TRIO: variants seen among roughly 807,000 people sequenced by gnomAD.
TRIO encodes the protein triple functional domain protein.
In TRIO, 58 loss-of-function variants were observed where a neutral mutation model predicts 351.9. The ratio of observed to expected loss-of-function variants is 0.16; its 90% CI spans 0.13 to 0.21. TRIO has a LOEUF of 0.21. Ranked by LOEUF, TRIO falls within the 10% of genes least tolerant of loss-of-function variation. TRIO has a pLI of 1.00. For synonymous variants in TRIO, 1,758 were observed against 1,595.7 expected (o/e 1.10, Z -2.42); for missense variants, 3,201 against 4,027.8 (o/e 0.79, Z 5.56).
At chr5:14,363,701 T>C in intron 13 of TRIO, 31 bp from the exon 14 acceptor site, 1 of 1,600,374 alleles carries the variant, frequency 6.2e-7, no homozygotes, top group Non-Finnish European at 8.5e-7. Flanking sequence ...TGTATATTTT[T>C]TTTGTCTTGA....
chr5:14,212,445 C>G (rs1791965604), intron 1 of TRIO, among the ~76,000 whole-genome samples: 1 of 152,194 alleles, frequency 6.6e-6, no homozygotes, highest in South Asian at 2.1e-4. Flanking sequence ...ACTCTCCCTC[C>G]AGACTCACAT....
intron 33 of TRIO, among the ~76,000 whole-genome samples, chr5:14,412,109 C>T (rs554751129): frequency 6.6e-6 from 1 of 151,900 alleles, no homozygotes; most frequent in Admixed American, 6.6e-5. Context: ...TGCCTCAGCC[C>T]CTCTTGTAGC....
At chr5:14,159,531 G>A (rs1167637083) in intron 1 of TRIO, among the ~76,000 whole-genome samples, 3 of 151,836 alleles carry the variant, frequency 2.0e-5, no homozygotes, top group East Asian at 3.8e-4. Flanking sequence ...ATTAAAAATC[G>A]GTGTCATTGT....
chr5:14,479,475 A>G, intron 42 of TRIO, 125 bp downstream of exon 42: 1 of 751,200 alleles, frequency 1.3e-6, no homozygotes, highest in Non-Finnish European at 2.1e-6. Flanking sequence ...GAGTGATAAG[A>G]CTTCTGAACC....
At chr5:14,206,701 G>A (rs572142428) in intron 1 of TRIO, among the ~76,000 whole-genome samples, 3 of 152,264 alleles carry the variant, frequency 2.0e-5, no homozygotes, top group South Asian at 2.1e-4. Context: ...CGTTATCTGC[G>A]TGAGACAGTA....
chr5:14,403,295 G>A (rs1748300609), intron 31 of TRIO, among the ~76,000 whole-genome samples: 4 of 136,602 alleles, frequency 2.9e-5, no homozygotes, highest in East Asian at 2.2e-4. Context: ...GTAGGTTGTG[G>A]TGGTGAGGGT....
chr5:14,463,057 C>G, intron 36 of TRIO, 132 bp downstream of exon 36: 1 of 1,199,046 alleles, frequency 8.3e-7, no homozygotes, highest in Non-Finnish European at 1.1e-6. Flanking sequence ...ATGCAGTGCT[C>G]TTTCAGGCAG....
intron 7 of TRIO, among the ~76,000 whole-genome samples, chr5:14,300,682 A>G (rs1737797094): frequency 6.6e-6 from 1 of 152,208 alleles, no homozygotes; most frequent in Admixed American, 6.5e-5. Context: ...CTGGTGGAGC[A>G]GATGGGACTG....
chr5:14,224,560 G>A (rs1792856938), intron 1 of TRIO, among the ~76,000 whole-genome samples: 1 of 151,998 alleles, frequency 6.6e-6, no homozygotes, highest in Non-Finnish European at 1.5e-5. Context: ...TGGGAAGGCT[G>A]GATGGTTGTT....
At chr5:14,336,891 G>A (rs1046594445) in intron 11 of TRIO, among the ~76,000 whole-genome samples, 164 bp downstream of exon 11, 4 of 152,216 alleles carry the variant, frequency 2.6e-5, no homozygotes, top group African/African-American at 7.2e-5. Context: ...GGGAAAAGCC[G>A]GGCTTGTGCT....
intron 11 of TRIO, among the ~76,000 whole-genome samples, chr5:14,338,698 C>G (rs1055014424): frequency 6.6e-6 from 1 of 152,210 alleles, no homozygotes; most frequent in African/African-American, 2.4e-5. Flanking sequence ...CTGCAGGTTC[C>G]TCATTCGGGG....
chr5:14,394,445 T>C (rs551734945), intron 28 of TRIO, among the ~76,000 whole-genome samples: 37 of 152,276 alleles, frequency 2.4e-4, no homozygotes, highest in African/African-American at 8.9e-4. Context: ...TGGTGCACTT[T>C]GGTACGCTCT....
intron 49 of TRIO, among the ~76,000 whole-genome samples, chr5:14,494,010 TGCAAACTA>T (rs1484844735): frequency 2.0e-5 from 3 of 152,174 alleles, no homozygotes; most frequent in African/African-American, 7.2e-5. Context: ...GAAGAAAAGT[TGCAAACTA>T]GCAAACTAGT....
At chr5:14,342,260 G>A (rs1192378161) in intron 11 of TRIO, among the ~76,000 whole-genome samples, 1 of 152,226 alleles carries the variant, frequency 6.6e-6, no homozygotes, top group Non-Finnish European at 1.5e-5. Flanking sequence ...TGCTCCAGGA[G>A]TATATTGAAA....
At chr5:14,160,290 C>T (rs904814599) in intron 1 of TRIO, among the ~76,000 whole-genome samples, 10 of 152,304 alleles carry the variant, frequency 6.6e-5, no homozygotes, top group African/African-American at 1.9e-4. Context: ...CAGTGCCTCC[C>T]GCCGGGGGGT....
At chr5:14,196,097 G>T (rs1581325869) in intron 1 of TRIO, among the ~76,000 whole-genome samples, 2 of 152,108 alleles carry the variant, frequency 1.3e-5, no homozygotes, top group Non-Finnish European at 2.9e-5. Flanking sequence ...TTTATATCAA[G>T]GAAGAAAGGC....
In TRIO at chr5:14,387,541, A is replaced by G; in HGVS notation, c.3674A>G (p.Asp1225Gly). The change falls in exon 22 of 57, where the codon GAT becomes GGT. Residue 1225 changes from aspartate to glycine, a missense_variant. Transcript: ENST00000344204. ...ATAAAAAAATGTGTTACTGCTGTGG[A>G]TAAGAGGTACAGAGATTTCTCTCTG... ...AEIKKCVTAVDKRYRDFSLRM... is the reference protein window; with the variant it reads ...AEIKKCVTAVGKRYRDFSLRM... The G allele has an allele frequency of 6.2e-7, 1 of 1,614,252 alleles. No homozygotes were observed. The highest frequency in any genetic ancestry group is 1.1e-5 in the South Asian group (1 of 91,086).
At chr5:14,498,729 C>A in intron 53 of TRIO, 89 bp downstream of exon 53, 1 of 1,554,216 alleles carries the variant, frequency 6.4e-7, no homozygotes, top group Non-Finnish European at 8.8e-7. Flanking sequence ...CCTTACACTC[C>A]AAGTGGCCTG....
At chr5:14,333,456 A>C (rs1393536331) in intron 10 of TRIO, among the ~76,000 whole-genome samples, 2 of 152,098 alleles carry the variant, frequency 1.3e-5, no homozygotes, top group Admixed American at 1.3e-4. Context: ...TTTAATTTGC[A>C]CTGTAGATGT....
Sources: gnomAD v4.1 joint callset for allele counts (sites outside exome capture counted in the v4.1 genomes callset) on GRCh38, gnomAD v4.1.1 for gene constraint, MANE v1.5 for transcripts, NCBI Gene and HGNC (gene_info 2026-07-23, HGNC 2026-07-21) for gene names.